ZNF618: variants seen among roughly 807,000 people sequenced by gnomAD.
ZNF618 encodes neural precursor cell expressed, developmentally down-regulated 10.
A neutral mutation model predicts 103.0 loss-of-function variants in ZNF618; 34 were observed. The observed-to-expected ratio is 0.33, with a 90% confidence interval of 0.25 to 0.44. The LOEUF (loss-of-function observed/expected upper bound fraction) is 0.44. Among genes scored for constraint, ZNF618 ranks in the 20% least tolerant of loss-of-function variants. The probability of loss-of-function intolerance (pLI) is 1.00; values close to 1 mark genes in which losing one functional copy is unlikely to be tolerated. For missense variants in ZNF618, 1,059 were observed against 1,295.4 expected, an observed-to-expected ratio of 0.82 and a Z score of 2.80; for synonymous variants, 551 against 542.2, an observed-to-expected ratio of 1.02 and a Z score of -0.23.
At chr9:113,945,596 C>A (rs940470570) in intron 1 of ZNF618, among the ~76,000 whole-genome samples, 2 of 152,154 alleles carry the variant, frequency 1.3e-5, no homozygotes, top group Non-Finnish European at 2.9e-5. Context: ...GTAATCTGGG[C>A]CCATGGGACC....
intron 10 of ZNF618, 62 bp from the exon 11 acceptor site, chr9:114,028,671 G>T: frequency 6.6e-7 from 1 of 1,510,140 alleles, no homozygotes. Flanking sequence ...CTGGTGGCCC[G>T]AGAGGCCACT....
At chr9:113,932,163 G>A (rs1010621883) in intron 1 of ZNF618, among the ~76,000 whole-genome samples, 1 of 152,180 alleles carries the variant, frequency 6.6e-6, no homozygotes, top group African/African-American at 2.4e-5. Flanking sequence ...TGGAGTGGAG[G>A]GCTATTTGAG....
In ZNF618 at chr9:113,879,397, G is replaced by GTTT. The variant is rs35301339; in HGVS notation, c.33+2998_33+3000dup. The stretch of plus-strand genomic sequence containing the variant: ...GTAGAACTGTTTTTTTTTTTTTTCT[G>GTTT]TTTTTTTTTTTTTTTTAAATTGGTT... On this transcript the variant is annotated intron_variant, in intron 1 of 14. Transcript: ENST00000374126. Among the ~76,000 whole-genome samples the GTTT allele has an allele frequency of 4.7e-4, 45 of 95,596 alleles. 1 individual carries two copies. Among genetic ancestry groups the GTTT allele is most frequent in the African/African-American group, 1.6e-3 (39 of 23,902 alleles). 62.7% of individuals were successfully genotyped at this position (95,596 alleles called of 152,430 possible).
chr9:113,913,669 G>A (rs1176831506), intron 1 of ZNF618, among the ~76,000 whole-genome samples: 2 of 144,476 alleles, frequency 1.4e-5, no homozygotes, highest in South Asian at 2.5e-4. Flanking sequence ...ACTGCAGTCA[G>A]TGTCTATCTT....
intron 1 of ZNF618, among the ~76,000 whole-genome samples, chr9:113,947,455 T>C (rs1407645278): frequency 1.3e-5 from 2 of 152,202 alleles, no homozygotes; most frequent in Non-Finnish European, 2.9e-5. Context: ...AGCCAGGTCC[T>C]CCTGCTAACA....
chr9:113,880,998 C>T (rs917846483), intron 1 of ZNF618, among the ~76,000 whole-genome samples: 1 of 152,202 alleles, frequency 6.6e-6, no homozygotes, highest in African/African-American at 2.4e-5. Flanking sequence ...ATGAAGAAAG[C>T]TCAGCCACAT....
intron 1 of ZNF618, among the ~76,000 whole-genome samples, chr9:113,877,458 CG>C (rs1828060602): frequency 6.6e-6 from 1 of 151,290 alleles, no homozygotes; most frequent in Admixed American, 6.6e-5. Flanking sequence ...TCTATTTCCA[CG>C]AACGAAGGAT....
At chr9:113,931,983 T>C (rs1206787660) in intron 1 of ZNF618, among the ~76,000 whole-genome samples, 1 of 152,196 alleles carries the variant, frequency 6.6e-6, no homozygotes, top group Non-Finnish European at 1.5e-5. Flanking sequence ...TTATTCAACA[T>C]GTATTTATAG....
chr9:113,958,100 G>A (rs939084547), intron 1 of ZNF618, among the ~76,000 whole-genome samples: 4 of 152,080 alleles, frequency 2.6e-5, no homozygotes, highest in Admixed American at 1.3e-4. Flanking sequence ...AAGAAAACAA[G>A]CAGAGCAGCA....
At chr9:114,002,810 C>G (rs1260363008) in intron 6 of ZNF618, 148 bp downstream of exon 6, 3 of 840,068 alleles carry the variant, frequency 3.6e-6, no homozygotes, top group Non-Finnish European at 5.4e-6. Context: ...CCAGACCATC[C>G]TTACAAAACC....
intron 9 of ZNF618, among the ~76,000 whole-genome samples, chr9:114,010,037 C>A (rs1234320535): frequency 6.6e-6 from 1 of 152,190 alleles, no homozygotes. Flanking sequence ...TGGCCGGGCA[C>A]GGTGGCTCAC....
chr9:113,971,379 C>T (rs532823877), intron 2 of ZNF618, among the ~76,000 whole-genome samples: 20 of 152,238 alleles, frequency 1.3e-4, no homozygotes, highest in African/African-American at 4.8e-4. Context: ...CTCCTCAGTG[C>T]TATGCCCAAG....
intron 1 of ZNF618, 56 bp from the exon 2 acceptor site, chr9:113,969,061 G>A: frequency 3.1e-6 from 5 of 1,606,718 alleles, no homozygotes; most frequent in East Asian, 2.2e-5. Context: ...GTGGCAGCAG[G>A]TCAAATCTGC....
intron 10 of ZNF618, among the ~76,000 whole-genome samples, chr9:114,024,030 CTCTT>C (rs966039023): frequency 4.9e-4 from 75 of 152,270 alleles, no homozygotes; most frequent in Middle Eastern, 3.4e-3. Context: ...TTCCTAATCT[CTCTT>C]TTCTCTCTTG....
intron 2 of ZNF618, among the ~76,000 whole-genome samples, chr9:113,970,234 T>C (rs1342305049): frequency 6.6e-6 from 1 of 152,136 alleles, no homozygotes; most frequent in East Asian, 1.9e-4. Context: ...CCCCTTTTTT[T>C]TTGACGTTCA....
At chr9:114,026,743 A>G (rs1843532291) in intron 10 of ZNF618, among the ~76,000 whole-genome samples, 1 of 152,234 alleles carries the variant, frequency 6.6e-6, no homozygotes, top group Non-Finnish European at 1.5e-5. Flanking sequence ...AAATACCAGT[A>G]ATAGATACTT....
At position 114,054,488 on chromosome 9, in the gene ZNF618, C is replaced by G. The variant is rs1304240463; in HGVS notation, c.*4321C>G. 6.6e-6 allele frequency: 1 copy of G among 152,352 alleles called. No individual in the cohort carries two copies. Among genetic ancestry groups the G allele is most frequent in the Non-Finnish European group, 1.5e-5 (1 of 68,054 alleles). The allele number at this position is 152,352 out of a possible 1,614,324, so 9.4% of individuals were successfully genotyped here. Reference sequence around the variant, plus strand: ...TCTGGGATGCATCTTAAGGAGGGCTCCTAACAAGGCCGATGATTTAGACAG... The same window carrying G: ...TCTGGGATGCATCTTAAGGAGGGCTGCTAACAAGGCCGATGATTTAGACAG... On this transcript the variant is annotated 3_prime_UTR_variant, in exon 15 of 15. Transcript: ENST00000374126.
rs555125388 is a variant in ZNF618, at chr9:113,936,590, A to C, written c.34-32527A>C. ...GGAAGGTGCCTTGGGCCTGTGACCAAAGGTCCCCTCTGAAGCTCGTCTGTG... is the reference window on the plus strand; with the variant it reads ...GGAAGGTGCCTTGGGCCTGTGACCACAGGTCCCCTCTGAAGCTCGTCTGTG... On this transcript the variant is annotated intron_variant, in intron 1 of 14. Coordinates refer to ENST00000374126, the MANE Select transcript of ZNF618 (RefSeq NM_001318042.2). Among the ~76,000 whole-genome samples, 6 of 152,338 alleles carry C rather than the reference A, an allele frequency of 3.9e-5. No homozygotes were observed. In the East Asian group the frequency reaches 9.7e-4, roughly 25 times the overall value.
At chr9:113,884,298 C>T (rs1462883244) in intron 1 of ZNF618, among the ~76,000 whole-genome samples, 1 of 152,122 alleles carries the variant, frequency 6.6e-6, no homozygotes, top group Non-Finnish European at 1.5e-5. Context: ...CCTCTCTGCT[C>T]CACCAGTTAA....
Sources: allele counts gnomAD v4.1 joint callset (sites outside exome capture counted in the v4.1 genomes callset), GRCh38; gene constraint gnomAD v4.1.1; transcripts MANE v1.5; gene names NCBI Gene and HGNC (gene_info 2026-07-23, HGNC 2026-07-21).